OFD1: variants seen among roughly 807,000 people sequenced by gnomAD.
OFD1 encodes centriole and centriolar satellite protein OFD1.
Under a neutral mutation model 81.4 loss-of-function variants are expected in OFD1, and 12 were observed. That is an observed-to-expected ratio of 0.15 (90% CI 0.09 to 0.24). The LOEUF (loss-of-function observed/expected upper bound fraction) is 0.24. Among genes scored for constraint, OFD1 ranks in the 10% least tolerant of loss-of-function variants. The pLI, the probability that OFD1 is intolerant of heterozygous loss-of-function variation, is 1.00. For synonymous variants in OFD1, 256 were observed against 263.7 expected, an observed-to-expected ratio of 0.97 and a Z score of 0.28; for missense variants, 685 against 733.9, an observed-to-expected ratio of 0.93 and a Z score of 0.77.
At chrX:13,736,770 C>G (rs959676598) in intron 3 of OFD1, 92 bp downstream of exon 3, 8 of 625,959 alleles carry the variant, frequency 1.3e-5, no homozygotes, top group Non-Finnish European at 2.1e-5. Context: ...AAGTGCTCCT[C>G]GACTAGGTCC....
At chrX:13,732,490 C>T (rs776516512), upstream of OFD1, among the ~76,000 whole-genome samples, 11 of 112,785 alleles carry the variant, frequency 9.8e-5, no homozygotes, top group South Asian at 7.1e-4. Flanking sequence ...CAGGAACTGG[C>T]GCTGAGAAAG....
chrX:13,728,132 C>T, the OFD1 span, among the ~76,000 whole-genome samples: 37 of 111,596 alleles, frequency 3.3e-4, no homozygotes, highest in African/African-American at 1.2e-3. Flanking sequence ...AAAAAAAGTC[C>T]AGGACCAGAT....
Position 13,753,603 on chromosome X carries a change from A to G in OFD1, c.1129+162A>G, listed in dbSNP as rs1444969492. On this transcript the variant is annotated intron_variant, in intron 11 of 22. Coordinates refer to ENST00000340096, the MANE Select transcript of OFD1 (RefSeq NM_003611.3). Reference sequence around the variant, plus strand: ...ATTTTAATTTTATAAATTAAAAATCATGGTCTTCACTGCCTTTTGAGGAAC... The same window carrying G: ...ATTTTAATTTTATAAATTAAAAATCGTGGTCTTCACTGCCTTTTGAGGAAC... 32 of 479,317 alleles carry G rather than the reference A, an allele frequency of 6.7e-5. No individual in the cohort carries two copies. The East Asian group carries it at 1.2e-3, about 19-fold the overall frequency. The allele number at this position is 479,317 out of a possible 1,213,427, so 39.5% of individuals were successfully genotyped here. A position where few individuals can be genotyped will look rare whatever the true frequency, so the allele number is the denominator to read the frequency against.
At chrX:13,738,777 CAT>C (rs1375516348) in intron 3 of OFD1, 67 bp from the exon 4 acceptor site, 48 of 676,294 alleles carry the variant, frequency 7.1e-5, no homozygotes, top group Non-Finnish European at 8.5e-5. Context: ...TATTCAGAAA[CAT>C]ATCCTAATTT....
intron 3 of OFD1, among the ~76,000 whole-genome samples, chrX:13,737,300 C>T (rs762321619): frequency 9.2e-6 from 1 of 109,078 alleles, no homozygotes; most frequent in East Asian, 2.8e-4. Context: ...TATTTCTTCA[C>T]CATTACTGTT....
chrX:13,768,790 C>T lies in OFD1; in HGVS notation c.2996+5C>T, dbSNP rs760774784. The T allele has an allele frequency of 1.7e-6, 2 of 1,185,753 alleles. No individual in the cohort carries two copies. The highest frequency in any genetic ancestry group is 2.3e-6 in the Non-Finnish European group (2 of 871,989). ...ATCTAGTGACAAAGTCGAAAGGTAC[C>T]TGTTTTCCCTACACACTTTCATACA... On this transcript the variant is annotated splice_donor_5th_base_variant and intron_variant, in intron 22 of 22. Transcript: ENST00000340096.
chrX:13,750,807 A>G (rs1199465757), intron 9 of OFD1, among the ~76,000 whole-genome samples: 2 of 112,381 alleles, frequency 1.8e-5, no homozygotes, highest in African/African-American at 3.2e-5. Flanking sequence ...TGACAAAAAC[A>G]CATATTGTAC....
At position 13,763,786 on chromosome X, in the gene OFD1, TCTC is replaced by T; in HGVS notation, c.2533_2535del (p.Pro845del). ...AAGGCAGTTGGAAATGGGCGGGCTT[TCTC>T]CTGCCGGGGATATGTCTCATGTGGA... On this transcript the variant is annotated inframe_deletion, in exon 19 of 23. Coordinates refer to ENST00000340096, the MANE Select transcript of OFD1 (RefSeq NM_003611.3). The T allele has an allele frequency of 8.3e-7, 1 of 1,211,398 alleles. No individual in the cohort carries two copies. The highest frequency in any genetic ancestry group is 1.7e-5 in the African/African-American group (1 of 57,745).
At chrX:13,735,162 T>C (rs141160969) in intron 1 of OFD1, 79 bp downstream of exon 1, 35 of 1,199,060 alleles carry the variant, frequency 2.9e-5, no homozygotes, top group African/African-American at 3.5e-5. Context: ...AGGCCTCTTA[T>C]GGCTTCCCCG....
chrX:13,716,433 G>A, the OFD1 span: 2 of 1,023,478 alleles, frequency 2.0e-6, no homozygotes, highest in African/African-American at 3.7e-5. Context: ...TCACCTGACT[G>A]TGAAGTCTAC....
At chrX:13,748,571 A>G (rs2047382265) in intron 8 of OFD1, among the ~76,000 whole-genome samples, 1 of 112,017 alleles carries the variant, frequency 8.9e-6, no homozygotes, top group Non-Finnish European at 1.9e-5. Flanking sequence ...CTACCTTTTT[A>G]TATCCAGTTC....
chrX:13,769,083 A>G lies in OFD1; in HGVS notation c.3014A>G (p.His1005Arg), dbSNP rs758708148. ...TAATTTAGTTTAACAGGCTTTTCTC[A>G]TGAAGAACTAGACGACTCTTGGTAA... The part of the protein sequence containing the change: ...DKVESLTGFS[H>R]EELDDSW The change falls in exon 23 of 23, where the codon CAT (histidine) becomes CGT (arginine). Residue 1005 changes from histidine to arginine, a missense_variant. Coordinates refer to ENST00000340096, the MANE Select transcript of OFD1 (RefSeq NM_003611.3). 2 of 1,194,786 alleles carry G rather than the reference A, an allele frequency of 1.7e-6. No homozygotes were observed. Among genetic ancestry groups the G allele is most frequent in the Non-Finnish European group, 2.3e-6 (2 of 879,926 alleles).
chrX:13,762,228 C>A, intron 17 of OFD1, 116 bp from the exon 18 acceptor site: 1 of 533,114 alleles, frequency 1.9e-6, no homozygotes, highest in Non-Finnish European at 3.4e-6. Flanking sequence ...ATTTACAAGA[C>A]AAAGAGAAAG....
At chrX:13,715,484 A>T in the OFD1 span, 1 of 113,172 alleles carries the variant, frequency 8.8e-6, no homozygotes, top group South Asian at 3.6e-4. Context: ...AACAAAACAT[A>T]CTATTGTTAT....
chrX:13,716,130 CA>C, the OFD1 span: 323 of 1,131,491 alleles, frequency 2.9e-4, no homozygotes, highest in African/African-American at 5.0e-3. Context: ...AAATGAAAAA[CA>C]AAAAGCAACC....
At chrX:13,732,781 T>C (rs1189862900), upstream of OFD1, among the ~76,000 whole-genome samples, 1 of 112,857 alleles carries the variant, frequency 8.9e-6, no homozygotes, top group Admixed American at 9.3e-5. Context: ...AAATGCAAGA[T>C]AAAACTCATG....
chrX:13,715,883 T>TG, the OFD1 span: 1 of 1,038,336 alleles, frequency 9.6e-7, no homozygotes, highest in Non-Finnish European at 1.2e-6. Context: ...ATAGTTCTGA[T>TG]GGGGGAAAGC....
At chrX:13,771,349 GA>G (rs1172011750), downstream of OFD1, 2 of 106,894 alleles carry the variant, frequency 1.9e-5, no homozygotes, top group Non-Finnish European at 3.9e-5. Context: ...AGCTATTTTG[GA>G]ACAACTGTTC....
At chrX:13,749,930 T>A (rs372626626) in intron 9 of OFD1, among the ~76,000 whole-genome samples, 1 of 112,557 alleles carries the variant, frequency 8.9e-6, no homozygotes, top group East Asian at 2.8e-4. Flanking sequence ...AAAGGAAGTA[T>A]GGTGGTCCAA....
Sources: allele counts gnomAD v4.1 joint callset (sites outside exome capture counted in the v4.1 genomes callset), GRCh38; gene constraint gnomAD v4.1.1; transcripts MANE v1.5; gene names NCBI Gene and HGNC (gene_info 2026-07-23, HGNC 2026-07-21).